The following ITPR2 variants were observed in gnomAD, a reference collection of about 807,000 sequenced individuals.
ITPR2 encodes the protein inositol 1,4,5-trisphosphate receptor type 2, also known as inositol 1,4,5-trisphosphate-gated calcium channel ITPR2.
A neutral mutation model predicts 317.1 loss-of-function variants in ITPR2; 207 were observed. That is an observed-to-expected ratio of 0.65 (90% CI 0.58 to 0.73). ITPR2 has a LOEUF of 0.73. ITPR2 is among the 30% of genes least tolerant of loss of function. The pLI is 0.00. For synonymous variants in ITPR2, 1,156 were observed against 1,149.1 expected (o/e 1.01, Z -0.12); for missense variants, 2,613 against 3,284.0 (o/e 0.80, Z 4.99).
chr12:26,509,021 T>C (rs1437865318), intron 37 of ITPR2, among the ~76,000 whole-genome samples: 2 of 152,322 alleles, frequency 1.3e-5, no homozygotes, highest in East Asian at 3.9e-4. Context: ...AAACACAATG[T>C]GGTATATGCA....
At chr12:26,356,363 G>C (rs1938638197) in intron 55 of ITPR2, among the ~76,000 whole-genome samples, 1 of 152,216 alleles carries the variant, frequency 6.6e-6, no homozygotes, top group Admixed American at 6.5e-5. Flanking sequence ...ATGCCAAGTA[G>C]GGTGAGCATA....
At chr12:26,412,630 T>G (rs1012687054) in intron 51 of ITPR2, among the ~76,000 whole-genome samples, 1 of 152,170 alleles carries the variant, frequency 6.6e-6, no homozygotes, top group Non-Finnish European at 1.5e-5. Flanking sequence ...AGATTTCTTT[T>G]TTAATGTAAT....
chr12:26,693,348 G>C (rs920916028), intron 10 of ITPR2, among the ~76,000 whole-genome samples: 4 of 152,176 alleles, frequency 2.6e-5, no homozygotes, highest in African/African-American at 9.7e-5. Flanking sequence ...TTAACAGAAA[G>C]AGTGAACTTC....
At chr12:26,545,056 TA>T (rs1944361009) in intron 37 of ITPR2, among the ~76,000 whole-genome samples, 1 of 152,168 alleles carries the variant, frequency 6.6e-6, no homozygotes, top group Admixed American at 6.5e-5. Flanking sequence ...CCCTACACAG[TA>T]ATATTAATCA....
intron 37 of ITPR2, among the ~76,000 whole-genome samples, chr12:26,544,462 T>G (rs778886552): frequency 2.6e-5 from 4 of 152,020 alleles, no homozygotes; most frequent in Non-Finnish European, 5.9e-5. Context: ...TCGGGAAATT[T>G]AGAATCCCAG....
chr12:26,339,524 A>G, intron 56 of ITPR2, 41 bp from the exon 57 acceptor site: 1 of 1,550,014 alleles, frequency 6.5e-7, no homozygotes, highest in Non-Finnish European at 8.9e-7. Flanking sequence ...GGATTTTCTC[A>G]CTCTTACCCA....
At chr12:26,579,821 A>G (rs1945355174) in intron 33 of ITPR2, among the ~76,000 whole-genome samples, 2 of 152,160 alleles carry the variant, frequency 1.3e-5, no homozygotes, top group South Asian at 4.1e-4. Flanking sequence ...TGCTTAGAGA[A>G]AAAGGAAAAA....
chr12:26,634,613 C>T (rs1294879403), intron 21 of ITPR2, among the ~76,000 whole-genome samples: 5 of 152,102 alleles, frequency 3.3e-5, no homozygotes, highest in African/African-American at 1.2e-4. Flanking sequence ...ACGCCAGGCA[C>T]GGTGGCTCAT....
At chr12:26,521,183 T>C (rs1943652904) in intron 37 of ITPR2, among the ~76,000 whole-genome samples, 1 of 152,190 alleles carries the variant, frequency 6.6e-6, no homozygotes, top group Admixed American at 6.5e-5. Flanking sequence ...TTTTCAATAG[T>C]TATACAAAAC....
At chr12:26,471,746 T>C (rs1942295451) in intron 45 of ITPR2, among the ~76,000 whole-genome samples, 1 of 152,238 alleles carries the variant, frequency 6.6e-6, no homozygotes, top group Non-Finnish European at 1.5e-5. Flanking sequence ...GGAAGTTGCA[T>C]CTTGGTTTTG....
intron 39 of ITPR2, among the ~76,000 whole-genome samples, chr12:26,489,304 G>A (rs933678953): frequency 6.6e-5 from 10 of 152,206 alleles, no homozygotes; most frequent in African/African-American, 2.2e-4. Flanking sequence ...ACAGGAGACT[G>A]GAAGAGGCAG....
chr12:26,355,525 G>A (rs982892793), intron 55 of ITPR2, among the ~76,000 whole-genome samples: 4 of 152,260 alleles, frequency 2.6e-5, no homozygotes, highest in South Asian at 2.1e-4. Flanking sequence ...ATTATCTACT[G>A]GGAAGTCATA....
chr12:26,458,953 T>C (rs1941951748), intron 45 of ITPR2, among the ~76,000 whole-genome samples: 1 of 152,164 alleles, frequency 6.6e-6, no homozygotes, highest in South Asian at 2.1e-4. Context: ...TAGCGGGCCT[T>C]CCCCGATGAG....
At chr12:26,449,492 T>G (rs1941688611) in intron 45 of ITPR2, among the ~76,000 whole-genome samples, 1 of 152,192 alleles carries the variant, frequency 6.6e-6, no homozygotes. Flanking sequence ...ATTTTCTTCT[T>G]TCAAGCAACC....
At chr12:26,556,452 G>A (rs1054149431) in intron 35 of ITPR2, 77 bp from the exon 36 acceptor site, 32 of 1,380,584 alleles carry the variant, frequency 2.3e-5, no homozygotes, top group East Asian at 1.2e-4. Context: ...ACAAGCTCAA[G>A]AATACTAATG....
intron 1 of ITPR2, among the ~76,000 whole-genome samples, chr12:26,818,537 A>T (rs1450273016): frequency 1.3e-5 from 2 of 152,238 alleles, no homozygotes; most frequent in African/African-American, 2.4e-5. Context: ...AAAGGTAAAT[A>T]AAAGTCCTTT....
At chr12:26,346,883 G>A (rs1032830411) in intron 55 of ITPR2, among the ~76,000 whole-genome samples, 3 of 152,156 alleles carry the variant, frequency 2.0e-5, no homozygotes, top group East Asian at 1.9e-4. Context: ...CTTCCAGCTC[G>A]TCATTCTGTG....
At chr12:26,616,574 A>G (rs7137933) in intron 26 of ITPR2, among the ~76,000 whole-genome samples, 110,784 of 152,130 alleles carry the variant, frequency 0.73, 40,576 homozygotes, top group East Asian at 0.95. Flanking sequence ...TCCTTTGAAG[A>G]AAATTATACC....
intron 26 of ITPR2, among the ~76,000 whole-genome samples, chr12:26,615,925 GA>G (rs1392796736): frequency 6.6e-6 from 1 of 151,940 alleles, no homozygotes; most frequent in African/African-American, 2.4e-5. Context: ...CATCTATTAA[GA>G]ATCCTACACC....
Sources: gnomAD v4.1 joint callset for allele counts (sites outside exome capture counted in the v4.1 genomes callset) on GRCh38, gnomAD v4.1.1 for gene constraint, MANE v1.5 for transcripts, NCBI Gene and HGNC (gene_info 2026-07-23, HGNC 2026-07-21) for gene names.